FAM178B: variants seen among roughly 807,000 people sequenced by gnomAD.
FAM178B encodes protein FAM178B.
FAM178B carries 82 observed loss-of-function variants against 91.7 expected under a neutral mutation model. The observed-to-expected ratio is 0.89, with a 90% confidence interval of 0.75 to 1.07. The LOEUF (loss-of-function observed/expected upper bound fraction) is 1.07, where lower values mean the gene tolerates loss of function less well. Among genes scored for constraint, FAM178B ranks in the 50% least tolerant of loss-of-function variants. FAM178B has a pLI of 0.00. For synonymous variants in FAM178B, 368 were observed against 359.4 expected, an observed-to-expected ratio of 1.02 and a Z score of -0.27; for missense variants, 769 against 846.7, an observed-to-expected ratio of 0.91 and a Z score of 1.14.
intron 13 of FAM178B, among the ~76,000 whole-genome samples, chr2:96,896,710 T>G (rs2080831008): frequency 6.6e-6 from 1 of 152,126 alleles, no homozygotes; most frequent in Non-Finnish European, 1.5e-5. Context: ...GCCAAGATCT[T>G]AAGTGTCTGC....
intron 10 of FAM178B, 109 bp from the exon 11 acceptor site, chr2:96,921,763 C>T: frequency 3.5e-6 from 4 of 1,153,918 alleles, no homozygotes; most frequent in South Asian, 1.5e-5. Flanking sequence ...GTACTGTGAG[C>T]CCCGCGGCCA....
At chr2:96,951,174 C>G (rs2081920882) in intron 7 of FAM178B, among the ~76,000 whole-genome samples, 1 of 152,174 alleles carries the variant, frequency 6.6e-6, no homozygotes, top group African/African-American at 2.4e-5. Flanking sequence ...ACAGGCGAAC[C>G]CCCTGCACCT....
rs188989987 is a variant in FAM178B at position 96,916,339 on chromosome 2, G to A, written c.1562+4826C>T. Among the ~76,000 whole-genome samples the A allele has an allele frequency of 1.4e-4, 21 of 152,308 alleles. No homozygotes were observed. In the South Asian group the frequency reaches 2.1e-3, roughly 15 times the overall value. Reference sequence around the variant, plus strand: ...TGGTCTGCCAGGCAAGGAACTCTACGTCATTGTCAGGGCTGGTTTCGTGAG... The same window carrying A: ...TGGTCTGCCAGGCAAGGAACTCTACATCATTGTCAGGGCTGGTTTCGTGAG... On this transcript the variant is annotated intron_variant, in intron 12 of 16. Coordinates refer to ENST00000490605, the MANE Select transcript of FAM178B (RefSeq NM_001122646.3).
chr2:96,977,454 T>A (rs1460003421), intron 1 of FAM178B, among the ~76,000 whole-genome samples: 1 of 143,662 alleles, frequency 7.0e-6, no homozygotes, highest in Admixed American at 7.0e-5. Flanking sequence ...TTTTGGGAAT[T>A]TTTTTTTTTT....
chr2:96,918,627 A>C (rs2081281288), intron 12 of FAM178B, among the ~76,000 whole-genome samples: 1 of 152,254 alleles, frequency 6.6e-6, no homozygotes. Flanking sequence ...TTTATCTCAT[A>C]GAAATATCTG....
chr2:96,926,704 A>G (rs2081445080), intron 9 of FAM178B, among the ~76,000 whole-genome samples: 1 of 152,248 alleles, frequency 6.6e-6, no homozygotes, highest in Non-Finnish European at 1.5e-5. Context: ...TGCATGGCCC[A>G]GCTGCGGAAG....
At position 96,925,106 on chromosome 2, in the gene FAM178B, C is replaced by T. The variant is rs983338436; in HGVS notation, c.1194-1523G>A. Among the ~76,000 whole-genome samples the T allele has an allele frequency of 2.0e-5, 3 of 152,228 alleles. No homozygotes were observed. In the East Asian group the frequency reaches 5.8e-4, roughly 29 times the overall value. On this transcript the variant is annotated intron_variant, in intron 9 of 16. Transcript: ENST00000490605. ...GGCGCAGGCTGGGCCTGCGCCAGTA[C>T]GTGAGGGGAAGCTCTGGTTCGTACC...
At position 96,886,145 on chromosome 2, in the gene FAM178B, G is replaced by A. The variant is rs77699744; in HGVS notation, c.1777-7652C>T. ...ACTGAACCACAGGGATGCTGCACACGTCCAGGGATCCTGTCCTTTCCCTTC... is the reference window on the plus strand; with the variant it reads ...ACTGAACCACAGGGATGCTGCACACATCCAGGGATCCTGTCCTTTCCCTTC... On this transcript the variant is annotated intron_variant, in intron 14 of 16. Transcript: ENST00000490605. 4.7e-3 allele frequency among the ~76,000 whole-genome samples: 716 copies of A among 152,310 alleles called. 4 individuals are homozygous for A. The highest frequency in any genetic ancestry group is 0.016 in the African/African-American group (684 of 41,558).
intron 1 of FAM178B, among the ~76,000 whole-genome samples, chr2:96,974,411 TGAG>T (rs1278438747): frequency 4.6e-5 from 5 of 108,080 alleles, no homozygotes; most frequent in Non-Finnish European, 7.6e-5. Flanking sequence ...AAAAAGGAAA[TGAG>T]GAGGCAATTA....
At chr2:96,899,444 C>A (rs996876929) in intron 13 of FAM178B, among the ~76,000 whole-genome samples, 8 of 152,136 alleles carry the variant, frequency 5.3e-5, no homozygotes, top group Non-Finnish European at 1.2e-4. Flanking sequence ...GGTGGGCATG[C>A]AGCAAGTGGG....
intron 1 of FAM178B, among the ~76,000 whole-genome samples, chr2:96,975,057 C>G (rs1189651105): frequency 7.8e-6 from 1 of 127,488 alleles, no homozygotes; most frequent in East Asian, 2.4e-4. Flanking sequence ...TGCCACTGCA[C>G]TCTATCTAAC....
At chr2:96,972,470 G>A in intron 2 of FAM178B, 68 bp downstream of exon 2, 1 of 1,524,268 alleles carries the variant, frequency 6.6e-7, no homozygotes, top group East Asian at 2.5e-5. Flanking sequence ...CTTCAGCCAT[G>A]GGCTCTCCAC....
rs924054802 is a variant in FAM178B at position 96,901,015 on chromosome 2, T to G, written c.1650+1605A>C. Among the ~76,000 whole-genome samples the G allele has an allele frequency of 5.9e-5, 9 of 152,078 alleles. No homozygotes were observed. The East Asian group carries it at 1.7e-3, about 29-fold the overall frequency. Reference sequence around the variant, plus strand: ...TCTCCCAGGATTCCAGGAAGATTACTGCGGAGGTGCGGGCGCGCTCAACCT... The same window carrying G: ...TCTCCCAGGATTCCAGGAAGATTACGGCGGAGGTGCGGGCGCGCTCAACCT... On this transcript the variant is annotated intron_variant, in intron 13 of 16. Coordinates refer to ENST00000490605, the MANE Select transcript of FAM178B (RefSeq NM_001122646.3).
chr2:96,981,751 A>AAG (rs3054566), intron 1 of FAM178B, among the ~76,000 whole-genome samples: 72,236 of 129,896 alleles, frequency 0.56, 23,827 homozygotes, highest in Non-Finnish European at 0.76. Flanking sequence ...AAAAAAAAAA[A>AAG]AAAAAAAAAA....
intron 8 of FAM178B, among the ~76,000 whole-genome samples, chr2:96,946,585 C>G (rs1462163240): frequency 6.6e-6 from 1 of 152,228 alleles, no homozygotes; most frequent in Non-Finnish European, 1.5e-5. Flanking sequence ...GCTAAGCTGA[C>G]AGGGGACTCA....
intron 12 of FAM178B, among the ~76,000 whole-genome samples, chr2:96,917,673 T>C (rs572299571): frequency 1.3e-5 from 2 of 152,230 alleles, no homozygotes; most frequent in Admixed American, 6.5e-5. Flanking sequence ...CTGCACAACA[T>C]AGGGAGACCT....
intron 4 of FAM178B, 49 bp downstream of exon 4, chr2:96,970,667 C>A: frequency 1.4e-6 from 2 of 1,438,246 alleles, no homozygotes; most frequent in Non-Finnish European, 1.9e-6. Flanking sequence ...GGACTGCTGC[C>A]AACCCTGCAG....
intron 16 of FAM178B, 177 bp downstream of exon 16, chr2:96,877,713 A>G: frequency 1.6e-6 from 1 of 631,706 alleles, no homozygotes; most frequent in Non-Finnish European, 2.7e-6. Context: ...TGGATTCTTG[A>G]TAAGAATGAT....
intron 6 of FAM178B, among the ~76,000 whole-genome samples, chr2:96,957,437 A>C (rs2082015013): frequency 2.0e-5 from 3 of 152,110 alleles, no homozygotes; most frequent in Non-Finnish European, 4.4e-5. Context: ...TGCAGATCTG[A>C]GGCACTGGCA....
Sources: gnomAD v4.1 joint callset for allele counts (sites outside exome capture counted in the v4.1 genomes callset) on GRCh38, gnomAD v4.1.1 for gene constraint, MANE v1.5 for transcripts, NCBI Gene and HGNC (gene_info 2026-07-23, HGNC 2026-07-21) for gene names.